Variants in KLHL33 observed in about 807,000 individuals in gnomAD.
KLHL33 encodes kelch-like protein 33.
In KLHL33, 46 loss-of-function variants were observed where a neutral mutation model predicts 60.8. The observed-to-expected ratio is 0.76, with a 90% CI of 0.60 to 0.97. The LOEUF is 0.97. Among genes scored for constraint, KLHL33 ranks in the 50% least tolerant of loss-of-function variants. KLHL33 has a pLI of 0.00. For missense variants in KLHL33, 1,055 were observed against 1,000.0 expected (o/e 1.05, Z -0.74); for synonymous variants, 434 against 432.2 (o/e 1.00, Z -0.05).
chr14:20,432,247 T>C (rs1373097666), intron 2 of KLHL33, among the ~76,000 whole-genome samples: 1 of 152,092 alleles, frequency 6.6e-6, no homozygotes, highest in African/African-American at 2.4e-5. Context: ...CCAGATTAGC[T>C]GGGACTACAG....
chr14:20,430,091 C>T lies in KLHL33; in HGVS notation c.1377G>A (p.Glu459=). Residue 459 remains glutamate (E), a synonymous_variant, in exon 3 of 5, where the codon GAG becomes GAA. Coordinates refer to ENST00000636854, the MANE Select transcript of KLHL33 (RefSeq NM_001365790.2). ...TPDLLHQLMV[E]ADVPGQERRR... ...GTCTCTCTTGGCCTGGAACATCAGC[C>T]TCTACCATCAGCTGGTGCAACAGAT... is the stretch of plus-strand genomic sequence containing the variant. 3 of 1,551,772 alleles carry T rather than the reference C, an allele frequency of 1.9e-6. No individual in the cohort carries two copies. The highest frequency in any genetic ancestry group is 2.6e-6 in the Non-Finnish European group (3 of 1,147,026).
In KLHL33 at chr14:20,428,781, C is replaced by T; in HGVS notation, c.*68G>A. 1.0e-5 allele frequency: 14 copies of T among 1,349,608 alleles called. No individual in the cohort carries two copies. Among genetic ancestry groups the T allele is most frequent in the Middle Eastern group, 1.9e-4 (1 of 5,404 alleles). The allele number at this position is 1,349,608 out of a possible 1,614,324, so 83.6% of individuals were successfully genotyped here. A position where few individuals can be genotyped will look rare whatever the true frequency, so the allele number is the denominator to read the frequency against. ...AAGAATAAAGCCTCTTTTCACTCCC[C>T]ACAATCTCTGTCCTTCTCTCAGGCT... On this transcript the variant is annotated 3_prime_UTR_variant, in exon 5 of 5. Coordinates refer to ENST00000636854, the MANE Select transcript of KLHL33 (RefSeq NM_001365790.2).
chr14:20,430,213 C>A lies in KLHL33; in HGVS notation c.1255G>T (p.Ala419Ser). ...CGGACACATCGCAGCAGGGCCTTGG[C>A]CTCTGACTCCTGGGTCTCGGGGTTG... ...AANPETQESE[A>S]KALLRCVRFG... Residue 419 changes from alanine (A) to serine (S), a missense_variant, in exon 3 of 5, where the codon GCC becomes TCC. By Grantham distance (99) the Ala-to-Ser change is moderately conservative. Transcript: ENST00000636854. 6.4e-7 allele frequency: 1 copy of A among 1,551,614 alleles called. No individual in the cohort carries two copies. The highest frequency in any genetic ancestry group is 8.7e-7 in the Non-Finnish European group (1 of 1,147,002).
chr14:20,429,345 C>T lies in KLHL33; in HGVS notation c.1898G>A (p.Gly633Asp). Reference protein sequence around the residue: ...CFAHAAAILEGQLYVSGGCGG... With the variant: ...CFAHAAAILEDQLYVSGGCGG... Reference sequence around the variant, plus strand: ...ACAGCCACCGCTCACGTACAACTGGCCCTCCAAAATCGCAGCTGCGTGGGC... The same window carrying T: ...ACAGCCACCGCTCACGTACAACTGGTCCTCCAAAATCGCAGCTGCGTGGGC... The change falls in exon 5 of 5, where the codon GGC becomes GAC. Residue 633 changes from glycine (G) to aspartate (D), a missense_variant. Gly to Asp is a moderately conservative substitution (Grantham distance 94). Transcript: ENST00000636854. 6.4e-7 allele frequency: 1 copy of T among 1,551,754 alleles called. No individual in the cohort carries two copies. Among genetic ancestry groups the T allele is most frequent in the Non-Finnish European group, 8.7e-7 (1 of 1,147,006 alleles).
rs148027806 is a variant in KLHL33, at chr14:20,433,004, T to C, written c.748+2060A>G. On this transcript the variant is annotated intron_variant, in intron 2 of 4. Coordinates refer to ENST00000636854, the MANE Select transcript of KLHL33 (RefSeq NM_001365790.2). ...AAAGAAAGAGAGAAATTACTATTAATTTTGTCGTGCATGATAAAGGTATTA... is the reference window on the plus strand; with the variant it reads ...AAAGAAAGAGAGAAATTACTATTAACTTTGTCGTGCATGATAAAGGTATTA... 3.2e-3 allele frequency among the ~76,000 whole-genome samples: 412 copies of C among 127,384 alleles called. 3 individuals are homozygous for C. The highest frequency in any genetic ancestry group is 0.012 in the African/African-American group (407 of 35,220). 83.6% of individuals were successfully genotyped at this position (127,384 alleles called of 152,430 possible). A position where few individuals can be genotyped will look rare whatever the true frequency, so the allele number is the denominator to read the frequency against.
intron 2 of KLHL33, among the ~76,000 whole-genome samples, chr14:20,433,566 A>G (rs931723619): frequency 6.6e-6 from 1 of 152,210 alleles, no homozygotes; most frequent in African/African-American, 2.4e-5. Context: ...CAATCAACCT[A>G]TAGTTCAGAG....
rs369324944 is a variant in KLHL33 at position 20,429,143 on chromosome 14, C to T, written c.2100G>A (p.Glu700=). The stretch of plus-strand genomic sequence containing the variant: ...AGCTATCAGTCCTTAGTTCATAGGC[C>T]TCAAAGCTTAGCAGGTCCTCAGTCT... ...LGETEDLLSF[E]AYELRTDSWT... Residue 700 remains glutamate (E), a synonymous_variant, in exon 5 of 5, where the codon GAG becomes GAA. Coordinates refer to ENST00000636854, the MANE Select transcript of KLHL33 (RefSeq NM_001365790.2). 405 of 1,551,700 alleles carry T rather than the reference C, an allele frequency of 2.6e-4. 1 individual carries two copies. The African/African-American group carries it at 5.0e-3, about 19-fold the overall frequency.
Position 20,430,408 on chromosome 14 carries a change from G to A in KLHL33, c.1060C>T (p.Leu354Phe), listed in dbSNP as rs1594397841. 1.3e-6 allele frequency: 2 copies of A among 1,551,798 alleles called. No homozygotes were observed. The highest frequency in any genetic ancestry group is 2.4e-5 in the East Asian group (1 of 40,926). ...PMAEAPGLERLWSKARHYLLT... is the reference protein window; with the variant it reads ...PMAEAPGLERFWSKARHYLLT... ...AGGTAGTGACGGGCTTTGCTCCAGA[G>A]CCTCTCCAACCCAGGGGCTTCCGCC... Residue 354 changes from leucine to phenylalanine, a missense_variant, in exon 3 of 5, where the codon CTC (leucine) becomes TTC (phenylalanine). Transcript: ENST00000636854.
In KLHL33 at chr14:20,430,148, C is replaced by T. The variant is rs1257683259; in HGVS notation, c.1320G>A (p.Arg440=). 6.4e-7 allele frequency: 1 copy of T among 1,551,434 alleles called. No individual in the cohort carries two copies. Among genetic ancestry groups the T allele is most frequent in the Non-Finnish European group, 8.7e-7 (1 of 1,147,006 alleles). The change falls in exon 3 of 5, where the codon CGG becomes CGA. Residue 440 remains arginine (R), a synonymous_variant. Coordinates refer to ENST00000636854, the MANE Select transcript of KLHL33 (RefSeq NM_001365790.2). ...RMSTRELRRV[R]AAGLLPPLTP... Reference sequence around the variant, plus strand: ...TCAGGGGTGGAAGTAGCCCGGCTGCCCGCACCCTCCGCAACTCCCTGGTGG... The same window carrying T: ...TCAGGGGTGGAAGTAGCCCGGCTGCTCGCACCCTCCGCAACTCCCTGGTGG...
Position 20,435,736 on chromosome 14 carries a change from C to T in KLHL33, c.76G>A (p.Gly26Arg). ...GTTCTCTGGGCGTGCACAAGGAGTC[C>T]AAGGCAGTCCCTCTGGACGGGATGA... ...VSHPVQRDCLGLLVHAQRTPS... is the reference protein window; with the variant it reads ...VSHPVQRDCLRLLVHAQRTPS... The change falls in exon 2 of 5, where the codon GGA (glycine) becomes AGA (arginine). Residue 26 changes from glycine to arginine, a missense_variant. Transcript: ENST00000636854. 1 of 1,234,656 alleles carries T rather than the reference C, an allele frequency of 8.1e-7. No homozygotes were observed. Among genetic ancestry groups the T allele is most frequent in the Non-Finnish European group, 1.0e-6 (1 of 988,392 alleles). 76.5% of individuals were successfully genotyped at this position (1,234,656 alleles called of 1,614,324 possible). A position where few individuals can be genotyped will look rare whatever the true frequency, so the allele number is the denominator to read the frequency against.
chr14:20,428,869 G>C lies in KLHL33; in HGVS notation c.2374C>G (p.Gln792Glu). ...CCTCTTCACCCAGCAGGTTTGGTTT[G>C]GTGTGGGGTGGGAACCAAAGCTATG... ...QHIALVPTPHQTKPAG is the reference protein window; with the variant it reads ...QHIALVPTPHETKPAG The change falls in exon 5 of 5, where the codon CAA becomes GAA. Residue 792 changes from glutamine (Q) to glutamate (E), a missense_variant. Coordinates refer to ENST00000636854, the MANE Select transcript of KLHL33 (RefSeq NM_001365790.2). 2 of 1,551,206 alleles carry C rather than the reference G, an allele frequency of 1.3e-6. No homozygotes were observed. Among genetic ancestry groups the C allele is most frequent in the Non-Finnish European group, 1.7e-6 (2 of 1,146,608 alleles).
rs549137826 is a variant in KLHL33 at position 20,430,491 on chromosome 14, C to A, written c.977G>T (p.Cys326Phe). Residue 326 changes from cysteine to phenylalanine, a missense_variant, in exon 3 of 5, where the codon TGT becomes TTT. Physicochemically the swap from Cys to Phe is radical, Grantham distance 205. Transcript: ENST00000636854. ...GAGGCCCCGTGCCAAGCCTTTCTGACACAAATCCAAGCAGGAAGAGCTCTG... is the reference window on the plus strand; with the variant it reads ...GAGGCCCCGTGCCAAGCCTTTCTGAAACAAATCCAAGCAGGAAGAGCTCTG... ...QYQSSSCLDL[C>F]QKGLARGLSP... 1.0e-5 allele frequency: 16 copies of A among 1,550,452 alleles called. No individual in the cohort carries two copies. In the South Asian group the frequency reaches 1.4e-4, roughly 14 times the overall value.
chr14:20,434,025 T>C (rs1000674490), intron 2 of KLHL33, among the ~76,000 whole-genome samples: 2 of 152,236 alleles, frequency 1.3e-5, no homozygotes, highest in African/African-American at 4.8e-5. Flanking sequence ...GATGTAGGCT[T>C]GTATCCTGGG....
Position 20,430,385 on chromosome 14 carries a change from G to A in KLHL33, c.1083C>T (p.Tyr361=). 2 of 1,551,834 alleles carry A rather than the reference G, an allele frequency of 1.3e-6. No individual in the cohort carries two copies. Among genetic ancestry groups the A allele is most frequent in the Non-Finnish European group, 1.7e-6 (2 of 1,147,020 alleles). The change falls in exon 3 of 5, where the codon TAC becomes TAT. Residue 361 remains tyrosine (Y), a synonymous_variant. Coordinates refer to ENST00000636854, the MANE Select transcript of KLHL33 (RefSeq NM_001365790.2). ...LERLWSKARH[Y]LLTHLPAVAL... ...CTACAGCAGGCAGGTGGGTGAGGAG[G>A]TAGTGACGGGCTTTGCTCCAGAGCC...
intron 2 of KLHL33, among the ~76,000 whole-genome samples, chr14:20,433,596 C>G (rs1049322682): frequency 3.9e-5 from 6 of 152,222 alleles, no homozygotes. Flanking sequence ...AAAGGGCTCA[C>G]AGCCACTTGT....
Position 20,435,761 on chromosome 14 carries a change from A to G in KLHL33, c.51T>C (p.Ser17=), listed in dbSNP as rs1480260397. The change falls in exon 2 of 5, where the codon TCT becomes TCC. Residue 17 remains serine (S), a synonymous_variant. Coordinates refer to ENST00000636854, the MANE Select transcript of KLHL33 (RefSeq NM_001365790.2). The part of the protein sequence containing the change: ...PHYPPELESV[S]HPVQRDCLGL... Reference sequence around the variant, plus strand: ...CAAGGCAGTCCCTCTGGACGGGATGAGAGACACTCTCCAGCTCAGGGGGAT... The same window carrying G: ...CAAGGCAGTCCCTCTGGACGGGATGGGAGACACTCTCCAGCTCAGGGGGAT... 8.1e-7 allele frequency: 1 copy of G among 1,234,346 alleles called. No homozygotes were observed. Among genetic ancestry groups the G allele is most frequent in the African/African-American group, 1.5e-5 (1 of 64,590 alleles). 76.5% of individuals were successfully genotyped at this position (1,234,346 alleles called of 1,614,324 possible). A position where few individuals can be genotyped will look rare whatever the true frequency, so the allele number is the denominator to read the frequency against.
rs1308916221 is a variant in KLHL33 at position 20,428,893 on chromosome 14, T to C, written c.2350A>G (p.Ile784Val). The change falls in exon 5 of 5, where the codon ATA becomes GTA. Residue 784 changes from isoleucine (I) to valine (V), a missense_variant. Ile to Val is a conservative substitution (Grantham distance 29). Transcript: ENST00000636854. ...CILTLPAVQHIALVPTPHQTK... is the reference protein window; with the variant it reads ...CILTLPAVQHVALVPTPHQTK... ...TGGTGTGGGGTGGGAACCAAAGCTA[T>C]GTGCTGCACAGCGGGCAGTGTCAGG... is the stretch of plus-strand genomic sequence containing the variant. 1.3e-6 allele frequency: 2 copies of C among 1,551,754 alleles called. No individual in the cohort carries two copies. The highest frequency in any genetic ancestry group is 1.7e-6 in the Non-Finnish European group (2 of 1,147,008).
At chr14:20,431,813 G>T (rs1167147661) in intron 2 of KLHL33, among the ~76,000 whole-genome samples, 2 of 152,232 alleles carry the variant, frequency 1.3e-5, no homozygotes, top group African/African-American at 4.8e-5. Context: ...CAGTGGCTGT[G>T]TGGGCAGATC....
In KLHL33 at chr14:20,435,139, G is replaced by T. The variant is rs1447477196; in HGVS notation, c.673C>A (p.Arg225Ser). ...SQAEELRENL[R>S]GIELLYREGV... ...TCTCGGTAGAGGAGCTCGATTCCGCGCAGGTTCTCCCTCAGCTCCTCTGCC... is the reference window on the plus strand; with the variant it reads ...TCTCGGTAGAGGAGCTCGATTCCGCTCAGGTTCTCCCTCAGCTCCTCTGCC... Residue 225 changes from arginine (R) to serine (S), a missense_variant, in exon 2 of 5, where the codon CGC becomes AGC. By Grantham distance (110) the Arg-to-Ser change is moderately radical. Coordinates refer to ENST00000636854, the MANE Select transcript of KLHL33 (RefSeq NM_001365790.2). The T allele has an allele frequency of 8.1e-7, 1 of 1,234,280 alleles. No individual in the cohort carries two copies. Among genetic ancestry groups the T allele is most frequent in the East Asian group, 3.2e-5 (1 of 31,720 alleles). 76.5% of individuals were successfully genotyped at this position (1,234,280 alleles called of 1,614,324 possible).
Sources: allele counts gnomAD v4.1 joint callset (sites outside exome capture counted in the v4.1 genomes callset), GRCh38; gene constraint gnomAD v4.1.1; transcripts MANE v1.5; gene names NCBI Gene and HGNC (gene_info 2026-07-23, HGNC 2026-07-21).